Variants in KIAA0040 observed in about 807,000 individuals in gnomAD.
The protein encoded by KIAA0040 is uncharacterized protein KIAA0040.
A neutral mutation model predicts 7.2 loss-of-function variants in KIAA0040; 10 were observed. The ratio of observed to expected loss-of-function variants is 1.38; its 90% CI spans 0.85 to 2.34. The LOEUF is 2.34. KIAA0040 is among the 30% of genes most tolerant of loss of function. KIAA0040 has a pLI of 0.00. For synonymous variants in KIAA0040, 49 were observed against 40.1 expected, an observed-to-expected ratio of 1.22 and a Z score of -0.84; for missense variants, 89 against 108.2, an observed-to-expected ratio of 0.82 and a Z score of 0.79.
chr1:175,171,737 G>A (rs1439534968), intron 2 of KIAA0040, among the ~76,000 whole-genome samples: 2 of 152,204 alleles, frequency 1.3e-5, no homozygotes, highest in Non-Finnish European at 1.5e-5. Context: ...CTTTTGCTCA[G>A]TTACAAAGAG....
chr1:175,168,240 G>T (rs760486), intron 2 of KIAA0040, among the ~76,000 whole-genome samples: 53,529 of 151,970 alleles, frequency 0.35, 10,215 homozygotes, highest in East Asian at 0.54. Flanking sequence ...GTACAAAAAT[G>T]GTCTGATCAC....
chr1:175,157,898 G>C lies in KIAA0040; in HGVS notation c.*2816C>G, dbSNP rs1466674279. 4.6e-5 allele frequency: 7 copies of C among 152,308 alleles called. No individual in the cohort carries two copies. The highest frequency in any genetic ancestry group is 8.8e-5 in the Non-Finnish European group (6 of 68,154). The allele number at this position is 152,308 out of a possible 1,614,324, so 9.4% of individuals were successfully genotyped here. On this transcript the variant is annotated 3_prime_UTR_variant, in exon 4 of 4. Transcript: ENST00000423313. The stretch of plus-strand genomic sequence containing the variant: ...CCGTGAACTTACCCTCCCCAGATGA[G>C]TCAAGCAGTCTCTGGTCCTGAGGTC...
intron 2 of KIAA0040, among the ~76,000 whole-genome samples, chr1:175,173,455 A>G (rs1388829125): frequency 6.6e-6 from 1 of 152,196 alleles, no homozygotes; most frequent in Non-Finnish European, 1.5e-5. Context: ...CTTTTTTTCT[A>G]TGCCCATCCT....
intron 1 of KIAA0040, among the ~76,000 whole-genome samples, chr1:175,184,079 C>A (rs534553802): frequency 6.6e-6 from 1 of 152,238 alleles, no homozygotes; most frequent in South Asian, 2.1e-4. Context: ...AGATGACTGA[C>A]CGAAAGTAAG....
chr1:175,170,534 C>T (rs540204557), intron 2 of KIAA0040, among the ~76,000 whole-genome samples: 48 of 152,128 alleles, frequency 3.2e-4, no homozygotes, highest in Admixed American at 6.5e-4. Flanking sequence ...CCACCCCCAC[C>T]GCCCTAGCTG....
chr1:175,164,112 A>C (rs1328323647), intron 3 of KIAA0040, among the ~76,000 whole-genome samples: 1 of 152,144 alleles, frequency 6.6e-6, no homozygotes, highest in Non-Finnish European at 1.5e-5. Flanking sequence ...GCCATGGTAG[A>C]GGGGCCGTCA....
At chr1:175,180,942 G>T (rs944930364) in intron 1 of KIAA0040, among the ~76,000 whole-genome samples, 2 of 152,102 alleles carry the variant, frequency 1.3e-5, no homozygotes, top group Non-Finnish European at 2.9e-5. Flanking sequence ...TTTCTTGGGC[G>T]CAGGCAATCC....
intron 1 of KIAA0040, among the ~76,000 whole-genome samples, chr1:175,178,615 C>T (rs1176616990): frequency 6.6e-6 from 1 of 152,192 alleles, no homozygotes; most frequent in Non-Finnish European, 1.5e-5. Context: ...AGTGTACCAA[C>T]TGGTTCTTAT....
chr1:175,190,315 A>G (rs1239255297), intron 1 of KIAA0040, among the ~76,000 whole-genome samples: 1 of 152,242 alleles, frequency 6.6e-6, no homozygotes, highest in African/African-American at 2.4e-5. Context: ...TCTATAGGCC[A>G]CTATTGACAA....
intron 2 of KIAA0040, among the ~76,000 whole-genome samples, chr1:175,176,880 G>A (rs1677220500): frequency 6.6e-6 from 1 of 151,914 alleles, no homozygotes; most frequent in Non-Finnish European, 1.5e-5. Flanking sequence ...CAAAAGAGAT[G>A]GCAAGTATTG....
rs1676342663 is a variant in KIAA0040 at position 175,157,741 on chromosome 1, T to C, written c.*2973A>G. The C allele has an allele frequency of 6.6e-6, 1 of 151,784 alleles. No homozygotes were observed. The highest frequency in any genetic ancestry group is 1.5e-5 in the Non-Finnish European group (1 of 67,978). The allele number at this position is 151,784 out of a possible 1,614,324, so 9.4% of individuals were successfully genotyped here. A position where few individuals can be genotyped will look rare whatever the true frequency, so the allele number is the denominator to read the frequency against. ...CATTGAGCAATGGGGAAAGGAGCAA[T>C]GGGGAAAGGCCTCCTCTGGCTGCCG... is the stretch of plus-strand genomic sequence containing the variant. On this transcript the variant is annotated 3_prime_UTR_variant, in exon 4 of 4. Transcript: ENST00000423313.
chr1:175,181,692 A>G (rs1677444729), intron 1 of KIAA0040, among the ~76,000 whole-genome samples: 2 of 152,214 alleles, frequency 1.3e-5, no homozygotes, highest in Non-Finnish European at 2.9e-5. Flanking sequence ...ATTCAAACAA[A>G]TGCTTATGGA....
At chr1:175,169,801 T>C (rs1676914020) in intron 2 of KIAA0040, among the ~76,000 whole-genome samples, 2 of 152,136 alleles carry the variant, frequency 1.3e-5, no homozygotes, top group African/African-American at 4.8e-5. Context: ...TCTGCAGGGC[T>C]CTCCCAAGAT....
intron 2 of KIAA0040, among the ~76,000 whole-genome samples, chr1:175,167,621 C>T (rs1676817788): frequency 6.6e-6 from 1 of 152,152 alleles, no homozygotes. Flanking sequence ...ATAAAGAACA[C>T]TCTCTCTGAC....
At chr1:175,166,763 GAAGTA>G (rs1228736339) in intron 2 of KIAA0040, 26 bp from the exon 3 acceptor site, 1 of 152,274 alleles carries the variant, frequency 6.6e-6, no homozygotes, top group Non-Finnish European at 1.5e-5. Flanking sequence ...AATAAAAATA[GAAGTA>G]TAGTGTGATG....
intron 2 of KIAA0040, among the ~76,000 whole-genome samples, chr1:175,170,170 G>A (rs191792371): frequency 1.6e-4 from 24 of 152,288 alleles, no homozygotes; most frequent in Admixed American, 5.9e-4. Flanking sequence ...TGAGGGCTCT[G>A]AAGTGGGAAA....
At chr1:175,175,513 A>G (rs1235131338) in intron 2 of KIAA0040, among the ~76,000 whole-genome samples, 1 of 151,236 alleles carries the variant, frequency 6.6e-6, no homozygotes, top group Non-Finnish European at 1.5e-5. Flanking sequence ...TGACCCAGCC[A>G]TCCCATTACT....
At chr1:175,181,137 A>G (rs1446210447) in intron 1 of KIAA0040, among the ~76,000 whole-genome samples, 1 of 152,060 alleles carries the variant, frequency 6.6e-6, no homozygotes, top group East Asian at 1.9e-4. Flanking sequence ...CAGGCATGAG[A>G]CACTGTGCTT....
intron 1 of KIAA0040, among the ~76,000 whole-genome samples, chr1:175,191,951 C>G (rs1436049294): frequency 6.6e-6 from 1 of 152,182 alleles, no homozygotes; most frequent in Non-Finnish European, 1.5e-5. Flanking sequence ...CAGGACTGGT[C>G]TTCCCACTAG....
Sources: gnomAD v4.1 joint callset for allele counts (sites outside exome capture counted in the v4.1 genomes callset) on GRCh38, gnomAD v4.1.1 for gene constraint, MANE v1.5 for transcripts, NCBI Gene and HGNC (gene_info 2026-07-23, HGNC 2026-07-21) for gene names.